The following COL12A1 variants were observed in gnomAD, a reference collection of about 807,000 sequenced individuals.
COL12A1 encodes the protein collagen alpha-1(XII) chain.
A neutral mutation model predicts 349.7 loss-of-function variants in COL12A1; 114 were observed. That is an observed-to-expected ratio of 0.33 (90% CI 0.28 to 0.38). The LOEUF is 0.38. Among genes scored for constraint, COL12A1 ranks in the 10% least tolerant of loss-of-function variants. COL12A1 has a pLI of 1.00. For missense variants in COL12A1, 3,284 were observed against 3,756.9 expected, an observed-to-expected ratio of 0.87 and a Z score of 3.29; for synonymous variants, 1,369 against 1,329.0, an observed-to-expected ratio of 1.03 and a Z score of -0.66.
chr6:75,192,780 G>A (rs1254167946), intron 3 of COL12A1, among the ~76,000 whole-genome samples: 2 of 152,022 alleles, frequency 1.3e-5, no homozygotes, highest in Non-Finnish European at 2.9e-5. Flanking sequence ...TAAACTCAAA[G>A]AAAACAAACC....
At chr6:75,104,987 C>T (rs566185529) in intron 54 of COL12A1, among the ~76,000 whole-genome samples, 12 of 152,282 alleles carry the variant, frequency 7.9e-5, no homozygotes, top group South Asian at 4.1e-4. Flanking sequence ...CATTCTTGCA[C>T]GGCTGAAGAA....
intron 52 of COL12A1, 123 bp from the exon 53 acceptor site, chr6:75,106,619 G>A (rs1582057503): frequency 3.9e-6 from 3 of 771,396 alleles, no homozygotes; most frequent in South Asian, 1.6e-5. Context: ...GCCATTGAGA[G>A]CAATGTGATC....
chr6:75,153,535 A>G (rs937828597), intron 17 of COL12A1, among the ~76,000 whole-genome samples: 2 of 152,114 alleles, frequency 1.3e-5, no homozygotes, highest in African/African-American at 4.8e-5. Context: ...TCTTTATATT[A>G]CAAAAGAAAT....
At chr6:75,145,643 T>C (rs944169007) in intron 24 of COL12A1, among the ~76,000 whole-genome samples, 188 bp from the exon 25 acceptor site, 4 of 151,376 alleles carry the variant, frequency 2.6e-5, no homozygotes, top group African/African-American at 9.7e-5. Flanking sequence ...TGTTTTGTTT[T>C]GTTTTTGAGA....
chr6:75,205,143 G>T (rs1407482642), intron 1 of COL12A1, among the ~76,000 whole-genome samples: 3 of 151,426 alleles, frequency 2.0e-5, no homozygotes, highest in Non-Finnish European at 4.4e-5. Flanking sequence ...CCGGGAGGGA[G>T]TCGGAGAGGG....
At chr6:75,114,438 C>CA (rs1404883837) in intron 49 of COL12A1, among the ~76,000 whole-genome samples, 2 of 151,900 alleles carry the variant, frequency 1.3e-5, no homozygotes, top group South Asian at 2.1e-4. Context: ...GAACAAAAAA[C>CA]AAAAAATTGG....
chr6:75,129,696 G>T (rs999560324), intron 37 of COL12A1, among the ~76,000 whole-genome samples: 2 of 152,178 alleles, frequency 1.3e-5, no homozygotes, highest in Admixed American at 6.5e-5. Flanking sequence ...ACCTTGTAGA[G>T]GAATTAGATT....
At position 75,183,646 on chromosome 6, in the gene COL12A1, G is replaced by A. The variant is rs1769450841; in HGVS notation, c.1295C>T (p.Ser432Leu). Residue 432 changes from serine (S) to leucine (L), a missense_variant, in exon 10 of 66, where the codon TCA (serine) becomes TTA (leucine). Physicochemically the swap from Ser to Leu is moderately radical, Grantham distance 145 (BLOSUM62 -2). This residue lies in a region of COL12A1 where 2,601 missense variants were observed against 2,824.8 expected (regional missense o/e 0.92). Transcript: ENST00000322507. The part of the protein sequence containing the change: ...TQPMKVQVEC[S>L]RGVDIKADIV... The stretch of plus-strand genomic sequence containing the variant: ...ATCGGCTTTTATATCCACACCACGT[G>A]AGCATTCTGTAAAGAGAAAAAAAGT... 2.5e-6 allele frequency: 4 copies of A among 1,600,898 alleles called. No homozygotes were observed. Among genetic ancestry groups the A allele is most frequent in the Non-Finnish European group, 3.4e-6 (4 of 1,176,352 alleles).
intron 33 of COL12A1, 63 bp downstream of exon 33, chr6:75,133,795 A>G (rs768318253): frequency 6.3e-6 from 10 of 1,584,850 alleles, no homozygotes; most frequent in Middle Eastern, 1.7e-4. Flanking sequence ...CTTCAGTTCC[A>G]CTTTTAAATC....
intron 13 of COL12A1, among the ~76,000 whole-genome samples, chr6:75,166,161 G>A (rs1188937096): frequency 2.6e-5 from 4 of 151,994 alleles, no homozygotes; most frequent in Non-Finnish European, 5.9e-5. Flanking sequence ...ATGGCCCATT[G>A]TTCACAAAGA....
chr6:75,133,166 G>C, intron 34 of COL12A1, 127 bp downstream of exon 34: 1 of 818,710 alleles, frequency 1.2e-6, no homozygotes, highest in Non-Finnish European at 1.8e-6. Flanking sequence ...GTAAACTATG[G>C]CTAATTTTTA....
intron 14 of COL12A1, among the ~76,000 whole-genome samples, chr6:75,162,496 T>C (rs1479055020): frequency 3.3e-5 from 5 of 152,176 alleles, no homozygotes; most frequent in Non-Finnish European, 1.5e-5. Context: ...TTACACCTTA[T>C]ACAAAAATTA....
intron 40 of COL12A1, 121 bp downstream of exon 40, chr6:75,125,006 T>C (rs541788414): frequency 1.2e-6 from 1 of 820,206 alleles, no homozygotes; most frequent in South Asian, 4.9e-5. Flanking sequence ...AGACACAAAA[T>C]AGCCTGCCTA....
intron 58 of COL12A1, 147 bp downstream of exon 58, chr6:75,101,452 TG>T: frequency 1.6e-6 from 1 of 626,982 alleles, no homozygotes; most frequent in East Asian, 3.0e-5. Flanking sequence ...TGATGTTGGA[TG>T]GTCCACTGAC....
chr6:75,145,074 G>C (rs1767110229), intron 25 of COL12A1, among the ~76,000 whole-genome samples: 1 of 152,108 alleles, frequency 6.6e-6, no homozygotes, highest in South Asian at 2.1e-4. Flanking sequence ...ATAATAGTAA[G>C]ACACCATTGA....
intron 1 of COL12A1, among the ~76,000 whole-genome samples, chr6:75,203,997 T>A (rs1770655301): frequency 6.6e-6 from 1 of 152,188 alleles, no homozygotes; most frequent in South Asian, 2.1e-4. Context: ...CTTTCCAAAT[T>A]ATTGGCACAA....
chr6:75,170,807 C>T (rs1417625137), intron 13 of COL12A1, among the ~76,000 whole-genome samples: 1 of 152,156 alleles, frequency 6.6e-6, no homozygotes, highest in Non-Finnish European at 1.5e-5. Flanking sequence ...GCCCATGTTA[C>T]TCAACATCAT....
intron 14 of COL12A1, among the ~76,000 whole-genome samples, chr6:75,158,628 A>G (rs1473766490): frequency 1.3e-5 from 2 of 152,200 alleles, no homozygotes; most frequent in African/African-American, 4.8e-5. Context: ...TATTATAACT[A>G]TATTTCATAT....
At chr6:75,121,057 G>C (rs750911155) in intron 44 of COL12A1, among the ~76,000 whole-genome samples, 1 of 152,118 alleles carries the variant, frequency 6.6e-6, no homozygotes, top group Non-Finnish European at 1.5e-5. Context: ...GAGTCCCTTA[G>C]AATCCCCTAA....
Sources: gnomAD v4.1 joint callset for allele counts (sites outside exome capture counted in the v4.1 genomes callset) on GRCh38, gnomAD v4.1.1 for gene constraint, gnomAD v4.1.1 regional missense constraint, MANE v1.5 for transcripts, NCBI Gene and HGNC (gene_info 2026-07-23, HGNC 2026-07-21) for gene names.